Variants in GRID2 observed in about 807,000 individuals in gnomAD.
GRID2 encodes the protein glutamate ionotropic receptor delta type subunit 2, also known as glutamate receptor ionotropic, delta-2.
In GRID2, 33 loss-of-function variants were observed where a neutral mutation model predicts 114.8. The ratio of observed to expected loss-of-function variants is 0.29; its 90% CI spans 0.22 to 0.38. The LOEUF (loss-of-function observed/expected upper bound fraction) is 0.38, where lower values mean the gene tolerates loss of function less well. Ranked by LOEUF, GRID2 falls within the 10% of genes least tolerant of loss-of-function variation. The pLI is 1.00. For missense variants in GRID2, 1,184 were observed against 1,257.7 expected (o/e 0.94, Z 0.89); for synonymous variants, 505 against 449.9 (o/e 1.12, Z -1.55).
intron 14 of GRID2, among the ~76,000 whole-genome samples, chr4:93,747,802 TG>T (rs1237811415): frequency 2.6e-5 from 4 of 151,994 alleles, no homozygotes; most frequent in Non-Finnish European, 5.9e-5. Flanking sequence ...TCCCCCCCAG[TG>T]GACAGAAATT....
At chr4:92,729,906 A>G (rs12648806) in intron 2 of GRID2, among the ~76,000 whole-genome samples, 11,447 of 152,036 alleles carry the variant, frequency 0.075, 524 homozygotes, top group Middle Eastern at 0.19. Flanking sequence ...GGTAACAACA[A>G]CAACAAGAAA....
rs1725285147 is a variant in GRID2 at position 92,304,706 on chromosome 4, C to T, written c.50C>T (p.Thr17Ile). 1 of 1,613,528 alleles carries T rather than the reference C, an allele frequency of 6.2e-7. No homozygotes were observed. Among genetic ancestry groups the T allele is most frequent in the Non-Finnish European group, 8.5e-7 (1 of 1,179,544 alleles). ...GTTTTGTCCGTCTGGTGGTCTCGAA[C>T]CTGGGACTCGGCGAATGCGGATTCG... ...LLVLSVWWSR[T>I]WDSANADSII... Residue 17 changes from threonine (T) to isoleucine (I), a missense_variant, in exon 1 of 16, where the codon ACC (threonine) becomes ATC (isoleucine). Transcript: ENST00000282020.
At chr4:93,531,737 C>T (rs1731464754) in intron 13 of GRID2, among the ~76,000 whole-genome samples, 1 of 151,958 alleles carries the variant, frequency 6.6e-6, no homozygotes, top group African/African-American at 2.4e-5. Flanking sequence ...GACAGATGTA[C>T]ATTACTACAA....
At chr4:93,296,823 TAA>T (rs1754358904) in intron 8 of GRID2, among the ~76,000 whole-genome samples, 1 of 152,194 alleles carries the variant, frequency 6.6e-6, no homozygotes, top group African/African-American at 2.4e-5. Flanking sequence ...TCTACAAGGG[TAA>T]GTCGTTGTTC....
At chr4:93,128,037 A>AAAC (rs1288852306) in intron 4 of GRID2, among the ~76,000 whole-genome samples, 3 of 140,000 alleles carry the variant, frequency 2.1e-5, no homozygotes, top group Admixed American at 7.2e-5. Flanking sequence ...CAAAAAAAAA[A>AAAC]AAAAAAAAAA....
chr4:93,447,010 A>G (rs1722156395), intron 10 of GRID2, among the ~76,000 whole-genome samples: 1 of 151,892 alleles, frequency 6.6e-6, no homozygotes, highest in Non-Finnish European at 1.5e-5. Flanking sequence ...ATACCTAACA[A>G]ATTACCAGAT....
chr4:93,260,872 T>C (rs1750174818), intron 8 of GRID2, among the ~76,000 whole-genome samples: 1 of 151,844 alleles, frequency 6.6e-6, no homozygotes, highest in Non-Finnish European at 1.5e-5. Flanking sequence ...GCAGAGATCT[T>C]TATTACATTC....
intron 14 of GRID2, among the ~76,000 whole-genome samples, chr4:93,681,119 ATTC>A (rs1402833646): frequency 1.3e-5 from 2 of 151,464 alleles, no homozygotes; most frequent in Non-Finnish European, 2.9e-5. Context: ...AATCACAAGC[ATTC>A]TTATACACCA....
At chr4:93,440,466 A>G (rs1721522015) in intron 10 of GRID2, among the ~76,000 whole-genome samples, 3 of 152,106 alleles carry the variant, frequency 2.0e-5, no homozygotes, top group Non-Finnish European at 4.4e-5. Context: ...TGAGTTTCCC[A>G]GAGTATGTCA....
chr4:93,016,918 C>G (rs1447725617), intron 2 of GRID2, among the ~76,000 whole-genome samples: 2 of 151,924 alleles, frequency 1.3e-5, no homozygotes, highest in Non-Finnish European at 2.9e-5. Flanking sequence ...GTAGCTAAAA[C>G]CGTTGCTTAA....
chr4:93,087,713 G>GA (rs1381629276), intron 3 of GRID2, among the ~76,000 whole-genome samples: 8 of 152,064 alleles, frequency 5.3e-5, no homozygotes, highest in Non-Finnish European at 1.2e-4. Flanking sequence ...AATAATTTAT[G>GA]AAAAATATTT....
intron 10 of GRID2, among the ~76,000 whole-genome samples, chr4:93,449,828 G>A (rs1267839012): frequency 6.6e-6 from 1 of 151,926 alleles, no homozygotes; most frequent in African/African-American, 2.4e-5. Flanking sequence ...CTCAACTTCT[G>A]AATGGCTCAA....
intron 1 of GRID2, among the ~76,000 whole-genome samples, chr4:92,386,967 T>C (rs1052380412): frequency 1.3e-5 from 2 of 151,922 alleles, no homozygotes; most frequent in South Asian, 2.1e-4. Flanking sequence ...ATAATACATA[T>C]CTGTGTTTAC....
chr4:92,348,457 GA>G (rs1213736560), intron 1 of GRID2, among the ~76,000 whole-genome samples: 1 of 152,118 alleles, frequency 6.6e-6, no homozygotes, highest in Non-Finnish European at 1.5e-5. Flanking sequence ...CACTGTTAGG[GA>G]AAAAAGTTGG....
chr4:93,356,285 A>G (rs954619861), intron 8 of GRID2, among the ~76,000 whole-genome samples: 1 of 152,066 alleles, frequency 6.6e-6, no homozygotes, highest in Non-Finnish European at 1.5e-5. Flanking sequence ...TGATTCATAA[A>G]GTATATAAAA....
At chr4:92,741,316 C>A (rs960845384) in intron 2 of GRID2, among the ~76,000 whole-genome samples, 1 of 152,066 alleles carries the variant, frequency 6.6e-6, no homozygotes, top group Admixed American at 6.6e-5. Flanking sequence ...ATATAAGATT[C>A]AGATAATCGT....
At chr4:92,676,203 CAG>C (rs1266191301) in intron 2 of GRID2, among the ~76,000 whole-genome samples, 2 of 99,952 alleles carry the variant, frequency 2.0e-5, no homozygotes, top group Non-Finnish European at 3.6e-5. Context: ...GTTGTTGAGA[CAG>C]AGTCTCGCTC....
At chr4:93,186,826 A>G (rs1314161040) in intron 4 of GRID2, among the ~76,000 whole-genome samples, 1 of 152,180 alleles carries the variant, frequency 6.6e-6, no homozygotes, top group African/African-American at 2.4e-5. Flanking sequence ...TATCATTTAT[A>G]TGACTGTCTT....
chr4:93,506,798 A>G (rs62310112), intron 12 of GRID2, among the ~76,000 whole-genome samples: 278 of 152,224 alleles, frequency 1.8e-3, no homozygotes, highest in Middle Eastern at 3.4e-3. Context: ...CTTGCCTGGT[A>G]TCATTCTACC....
Sources: allele counts gnomAD v4.1 joint callset (sites outside exome capture counted in the v4.1 genomes callset), GRCh38; gene constraint gnomAD v4.1.1; transcripts MANE v1.5; gene names NCBI Gene and HGNC (gene_info 2026-07-23, HGNC 2026-07-21).